Variants in NLGN1 observed in about 807,000 individuals in gnomAD.
NLGN1 encodes the protein neuroligin 1.
NLGN1 carries 12 observed loss-of-function variants against 65.5 expected under a neutral mutation model. The ratio of observed to expected loss-of-function variants is 0.18; its 90% confidence interval spans 0.12 to 0.30. The LOEUF is 0.30. NLGN1 is among the 10% of genes least tolerant of loss of function. NLGN1 has a pLI of 1.00. For synonymous variants in NLGN1, 350 were observed against 359.5 expected, an observed-to-expected ratio of 0.97 and a Z score of 0.30; for missense variants, 750 against 1,007.1, an observed-to-expected ratio of 0.74 and a Z score of 3.46.
At chr3:174,212,567 G>T (rs1399964474) in intron 4 of NLGN1, among the ~76,000 whole-genome samples, 1 of 152,234 alleles carries the variant, frequency 6.6e-6, no homozygotes, top group Non-Finnish European at 1.5e-5. Context: ...TTGTGTAAGT[G>T]TATCCCATGA....
intron 4 of NLGN1, among the ~76,000 whole-genome samples, chr3:173,892,550 T>G (rs1277329730): frequency 4.1e-5 from 6 of 145,980 alleles, no homozygotes; most frequent in African/African-American, 1.5e-4. Flanking sequence ...AGCATCATAT[T>G]CAGAACCAGG....
At chr3:174,275,262 T>C in intron 4 of NLGN1, 53 bp from the exon 5 acceptor site, 1 of 1,310,820 alleles carries the variant, frequency 7.6e-7, no homozygotes, top group Non-Finnish European at 1.1e-6. Flanking sequence ...AAATTTGATG[T>C]CTATTTGATT....
intron 4 of NLGN1, among the ~76,000 whole-genome samples, chr3:174,057,423 T>A (rs533998390): frequency 1.3e-5 from 2 of 152,198 alleles, no homozygotes; most frequent in East Asian, 3.9e-4. Context: ...ACCTTAGGTC[T>A]GGGGGTGACT....
chr3:174,211,787 C>G (rs1463415329), intron 4 of NLGN1, among the ~76,000 whole-genome samples: 4 of 151,752 alleles, frequency 2.6e-5, no homozygotes, highest in Non-Finnish European at 4.4e-5. Context: ...TACAGAGTGT[C>G]GATTAGTGCA....
chr3:173,554,096 T>C (rs1741332421), intron 2 of NLGN1, among the ~76,000 whole-genome samples: 1 of 152,174 alleles, frequency 6.6e-6, no homozygotes, highest in Non-Finnish European at 1.5e-5. Flanking sequence ...AGCAAATAAT[T>C]TTAATTTTTT....
At chr3:174,029,032 A>G (rs1316721069) in intron 4 of NLGN1, among the ~76,000 whole-genome samples, 1 of 152,170 alleles carries the variant, frequency 6.6e-6, no homozygotes, top group African/African-American at 2.4e-5. Flanking sequence ...TGAAGTCCTC[A>G]TGGAGAACTT....
chr3:173,414,708 A>T (rs1044235674), intron 1 of NLGN1, among the ~76,000 whole-genome samples: 2 of 152,194 alleles, frequency 1.3e-5, no homozygotes, highest in South Asian at 2.1e-4. Context: ...GGACCTGAAC[A>T]TTAATGTCTT....
intron 4 of NLGN1, among the ~76,000 whole-genome samples, chr3:173,872,974 A>G (rs560920711): frequency 6.6e-6 from 1 of 152,202 alleles, no homozygotes; most frequent in East Asian, 1.9e-4. Flanking sequence ...TTGATGATAC[A>G]ATGTCACATA....
intron 4 of NLGN1, among the ~76,000 whole-genome samples, chr3:173,908,138 TA>T (rs1369644403): frequency 1.2e-4 from 19 of 152,188 alleles, no homozygotes; most frequent in Non-Finnish European, 2.4e-4. Context: ...AAGGCACAAA[TA>T]AGGGACCATT....
intron 2 of NLGN1, among the ~76,000 whole-genome samples, chr3:173,522,469 C>T (rs1040623565): frequency 5.9e-5 from 9 of 152,116 alleles, no homozygotes; most frequent in African/African-American, 1.4e-4. Flanking sequence ...CTTGCTCAGT[C>T]GCCCAGGCTG....
intron 1 of NLGN1, among the ~76,000 whole-genome samples, chr3:173,402,817 T>G (rs1264888877): frequency 6.6e-6 from 1 of 152,198 alleles, no homozygotes; most frequent in Non-Finnish European, 1.5e-5. Context: ...CATTTCACTC[T>G]TAACTTACAA....
intron 4 of NLGN1, among the ~76,000 whole-genome samples, chr3:174,092,754 G>T (rs1447998364): frequency 6.6e-6 from 1 of 152,074 alleles, no homozygotes; most frequent in Admixed American, 6.6e-5. Context: ...AAGATATATA[G>T]TTAGTCCATT....
At chr3:173,898,828 T>C (rs1736812548) in intron 4 of NLGN1, among the ~76,000 whole-genome samples, 1 of 152,146 alleles carries the variant, frequency 6.6e-6, no homozygotes, top group African/African-American at 2.4e-5. Context: ...AGAGACCTCA[T>C]AAACTACATT....
chr3:173,661,981 G>T (rs1259749263), intron 3 of NLGN1, among the ~76,000 whole-genome samples: 2 of 151,986 alleles, frequency 1.3e-5, no homozygotes, highest in Non-Finnish European at 2.9e-5. Context: ...GATTGCTGAA[G>T]GCATTGGTCT....
At chr3:174,010,969 G>A (rs899119357) in intron 4 of NLGN1, among the ~76,000 whole-genome samples, 1 of 152,098 alleles carries the variant, frequency 6.6e-6, no homozygotes, top group Admixed American at 6.6e-5. Context: ...GGAGTTAAGA[G>A]CATCTCTCCT....
At chr3:173,507,986 G>C (rs555376826) in intron 2 of NLGN1, among the ~76,000 whole-genome samples, 1 of 152,268 alleles carries the variant, frequency 6.6e-6, no homozygotes, top group South Asian at 2.1e-4. Context: ...TTAATTGAGA[G>C]GTACATATCA....
intron 4 of NLGN1, among the ~76,000 whole-genome samples, chr3:174,157,629 G>A (rs933458739): frequency 2.6e-5 from 4 of 151,812 alleles, no homozygotes; most frequent in African/African-American, 4.8e-5. Context: ...GAATTTGGAC[G>A]ACATACTTGC....
chr3:174,289,955 GTATATATA>G (rs10554819), downstream of NLGN1, among the ~76,000 whole-genome samples: 1 of 105,372 alleles, frequency 9.5e-6, no homozygotes, highest in Non-Finnish European at 2.2e-5. Context: ...ATATATATGT[GTATATATA>G]TATATGTATA....
intron 4 of NLGN1, among the ~76,000 whole-genome samples, chr3:174,264,031 TA>T (rs1422055271): frequency 2.0e-5 from 3 of 150,972 alleles, no homozygotes; most frequent in African/African-American, 7.4e-5. Context: ...TTCTGGCTTG[TA>T]GGGTTTCTGC....
Sources: gnomAD v4.1 joint callset for allele counts (sites outside exome capture counted in the v4.1 genomes callset) on GRCh38, gnomAD v4.1.1 for gene constraint, MANE v1.5 for transcripts, NCBI Gene and HGNC (gene_info 2026-07-23, HGNC 2026-07-21) for gene names.